Variants in CCNY observed in about 807,000 individuals in gnomAD.
CCNY encodes cyclin-Y.
CCNY carries 19 observed loss-of-function variants against 42.8 expected under a neutral mutation model. The ratio of observed to expected loss-of-function variants is 0.44; its 90% CI spans 0.31 to 0.65. The LOEUF (loss-of-function observed/expected upper bound fraction) is 0.65, where lower values mean the gene tolerates loss of function less well. Among genes scored for constraint, CCNY ranks in the 30% least tolerant of loss-of-function variants. CCNY has a pLI of 0.07. For synonymous variants in CCNY, 165 were observed against 162.7 expected, an observed-to-expected ratio of 1.01 and a Z score of -0.11; for missense variants, 370 against 437.3, an observed-to-expected ratio of 0.85 and a Z score of 1.37.
At position 35,304,545 on chromosome 10, in the gene CCNY, C is replaced by G. The variant is rs1293065171; in HGVS notation, c.-9+53919C>G. On this transcript the variant is annotated intron_variant, in intron 3 of 11. Transcript: ENST00000374706. Reference sequence around the variant, plus strand: ...CGGGATGGTCTCGATCTCTTGACCTCGTGATCCGCCCGCCTCGGCCTCCCA... The same window carrying G: ...CGGGATGGTCTCGATCTCTTGACCTGGTGATCCGCCCGCCTCGGCCTCCCA... Among the ~76,000 whole-genome samples the G allele has an allele frequency of 3.7e-5, 2 of 53,644 alleles. 1 individual carries two copies. The highest frequency in any genetic ancestry group is 6.8e-5 in the Non-Finnish European group (2 of 29,328). The allele number at this position is 53,644 out of a possible 152,430, so 35.2% of individuals were successfully genotyped here.
intron 7 of CCNY, among the ~76,000 whole-genome samples, chr10:35,534,999 A>ATG (rs59534409): frequency 0.018 from 2,380 of 133,498 alleles, 32 homozygotes; most frequent in Admixed American, 0.037. Context: ...ATCTATATAT[A>ATG]TGTGTGTGTG....
At position 35,336,972 on chromosome 10, in the gene CCNY, GCCCGCGCCCCGCGTCCA is replaced by G. The variant is rs1269635807; in HGVS notation, c.-69_-53del. ...GCGGGCCTCCCCACACGCCCCCGCC[GCCCGCGCCCCGCGTCCA>G]CCCGCGCCCCGCTCCCGGGGACTGG... is the stretch of plus-strand genomic sequence containing the variant. On this transcript the variant is annotated 5_prime_UTR_variant, in exon 1 of 10. Transcript: ENST00000374704. 1.3e-5 allele frequency: 15 copies of G among 1,157,180 alleles called. No individual in the cohort carries two copies. Among genetic ancestry groups the G allele is most frequent in the Admixed American group, 4.1e-5 (1 of 24,132 alleles). 71.7% of individuals were successfully genotyped at this position (1,157,180 alleles called of 1,614,324 possible).
At chr10:35,418,323 C>T (rs565664855) in intron 1 of CCNY, among the ~76,000 whole-genome samples, 1 of 152,076 alleles carries the variant, frequency 6.6e-6, no homozygotes, top group Non-Finnish European at 1.5e-5. Context: ...TGAGAAACCC[C>T]CACCCCCGGC....
At chr10:35,498,579 C>T (rs926248441) in intron 2 of CCNY, among the ~76,000 whole-genome samples, 5 of 152,154 alleles carry the variant, frequency 3.3e-5, no homozygotes, top group African/African-American at 1.2e-4. Context: ...GGAGTTAGCC[C>T]AGAGAGGGTA....
intron 1 of CCNY, among the ~76,000 whole-genome samples, chr10:35,464,250 T>C (rs1429655996): frequency 6.6e-6 from 1 of 152,178 alleles, no homozygotes; most frequent in Non-Finnish European, 1.5e-5. Context: ...TCTGCCTCCT[T>C]GTCCTCATGT....
At chr10:35,443,471 C>T (rs1838719274) in intron 1 of CCNY, among the ~76,000 whole-genome samples, 1 of 152,086 alleles carries the variant, frequency 6.6e-6, no homozygotes, top group Non-Finnish European at 1.5e-5. Context: ...AAGACACAAA[C>T]ACACACATTA....
intron 1 of CCNY, among the ~76,000 whole-genome samples, chr10:35,464,609 C>T (rs908304735): frequency 6.0e-5 from 9 of 150,256 alleles, no homozygotes; most frequent in Non-Finnish European, 1.2e-4. Context: ...GTGTACTTTG[C>T]TTCTTATGCC....
At chr10:35,558,730 G>A (rs752757840) in intron 8 of CCNY, among the ~76,000 whole-genome samples, 2 of 152,198 alleles carry the variant, frequency 1.3e-5, no homozygotes, top group African/African-American at 4.8e-5. Flanking sequence ...AGAAGGTAGC[G>A]TCTGCAAGCC....
chr10:35,477,773 G>A (rs1054407045), intron 1 of CCNY, among the ~76,000 whole-genome samples: 5 of 152,154 alleles, frequency 3.3e-5, no homozygotes, highest in African/African-American at 1.2e-4. Flanking sequence ...ACATAGTGTT[G>A]GAAGTTCTGG....
chr10:35,429,570 C>T (rs2135276216), intron 1 of CCNY, among the ~76,000 whole-genome samples: 1 of 152,278 alleles, frequency 6.6e-6, no homozygotes, highest in East Asian at 1.9e-4. Context: ...AAACTCTTAA[C>T]CTCAGTTTAC....
intron 1 of CCNY, among the ~76,000 whole-genome samples, chr10:35,372,886 CAG>C (rs1471635105): frequency 8.6e-5 from 13 of 152,038 alleles, no homozygotes; most frequent in Non-Finnish European, 1.5e-5. Flanking sequence ...TTTTTAGAGA[CAG>C]GGCTTCACCA....
chr10:35,516,406 T>G, intron 3 of CCNY, 117 bp from the exon 4 acceptor site: 1 of 711,168 alleles, frequency 1.4e-6, no homozygotes. Flanking sequence ...ATGTTGACAT[T>G]TCTTGCTAAG....
At chr10:35,548,841 G>A (rs1841178008) in intron 7 of CCNY, among the ~76,000 whole-genome samples, 1 of 152,078 alleles carries the variant, frequency 6.6e-6, no homozygotes, top group Non-Finnish European at 1.5e-5. Context: ...GTGTTGTTCA[G>A]GGGTTAACCG....
At chr10:35,367,974 C>T (rs1418583916) in intron 1 of CCNY, among the ~76,000 whole-genome samples, 4 of 152,184 alleles carry the variant, frequency 2.6e-5, no homozygotes, top group South Asian at 2.1e-4. Flanking sequence ...GTGTTTGGCT[C>T]ATACTTGGAA....
At chr10:35,263,840 T>C (rs2095722198) in intron 3 of CCNY, among the ~76,000 whole-genome samples, 1 of 152,092 alleles carries the variant, frequency 6.6e-6, no homozygotes, top group Admixed American at 6.6e-5. Flanking sequence ...CTTTTCCTAC[T>C]CCCCCAACAG....
At chr10:35,371,695 G>T (rs1230122059) in intron 1 of CCNY, among the ~76,000 whole-genome samples, 1 of 152,184 alleles carries the variant, frequency 6.6e-6, no homozygotes, top group Non-Finnish European at 1.5e-5. Flanking sequence ...GGGAAGCTGG[G>T]GCACAGGGTG....
intron 3 of CCNY, among the ~76,000 whole-genome samples, chr10:35,267,295 G>T (rs1423000452): frequency 6.8e-6 from 1 of 146,990 alleles, no homozygotes; most frequent in Non-Finnish European, 1.5e-5. Flanking sequence ...GCAACAGAGA[G>T]AGATCCCATC....
At chr10:35,516,982 C>T (rs1840443712) in intron 4 of CCNY, among the ~76,000 whole-genome samples, 1 of 152,030 alleles carries the variant, frequency 6.6e-6, no homozygotes, top group Non-Finnish European at 1.5e-5. Flanking sequence ...GCCATCCTGG[C>T]ATAACTCCAC....
chr10:35,328,588 T>C (rs1447941434), intron 3 of CCNY, among the ~76,000 whole-genome samples: 2 of 152,208 alleles, frequency 1.3e-5, no homozygotes, highest in African/African-American at 4.8e-5. Context: ...TGAGGTTATA[T>C]TACATCATGG....
Sources: allele counts gnomAD v4.1 joint callset (sites outside exome capture counted in the v4.1 genomes callset), GRCh38; gene constraint gnomAD v4.1.1; transcripts MANE v1.5; gene names NCBI Gene and HGNC (gene_info 2026-07-23, HGNC 2026-07-21).